The following NCK2 variants were observed in gnomAD, a reference collection of about 807,000 sequenced individuals.
NCK2 encodes NCK adaptor protein 2.
NCK2 carries 16 observed loss-of-function variants against 33.9 expected under a neutral mutation model. The ratio of observed to expected loss-of-function variants is 0.47; its 90% CI spans 0.32 to 0.72. The LOEUF (loss-of-function observed/expected upper bound fraction) is 0.72, where lower values mean the gene tolerates loss of function less well. Ranked by LOEUF, NCK2 falls within the 30% of genes least tolerant of loss-of-function variation. The pLI, the probability that NCK2 is intolerant of heterozygous loss-of-function variation, is 0.03. For missense variants in NCK2, 418 were observed against 537.3 expected (o/e 0.78, Z 2.19); for synonymous variants, 273 against 239.9 (o/e 1.14, Z -1.27).
intron 4 of NCK2, among the ~76,000 whole-genome samples, chr2:105,891,378 CAT>C (rs1440476449): frequency 1.3e-5 from 2 of 152,056 alleles, no homozygotes; most frequent in Admixed American, 6.5e-5. Flanking sequence ...CATGCACACA[CAT>C]GTATCCAGGG....
chr2:105,802,937 T>C (rs1230837555), intron 1 of NCK2, among the ~76,000 whole-genome samples: 2 of 152,156 alleles, frequency 1.3e-5, no homozygotes, highest in Non-Finnish European at 2.9e-5. Context: ...GTTGTGTGTA[T>C]AGCACCAAGC....
At chr2:105,830,169 C>T (rs1676113075) in intron 2 of NCK2, among the ~76,000 whole-genome samples, 1 of 151,978 alleles carries the variant, frequency 6.6e-6, no homozygotes, top group African/African-American at 2.4e-5. Flanking sequence ...AGAACTTATT[C>T]CTCCTATCTA....
chr2:105,873,373 T>C (rs1479875005), intron 3 of NCK2, among the ~76,000 whole-genome samples: 3 of 152,198 alleles, frequency 2.0e-5, no homozygotes, highest in African/African-American at 7.2e-5. Context: ...CTGTGAGGCC[T>C]AATGGATGTG....
intron 1 of NCK2, among the ~76,000 whole-genome samples, chr2:105,781,173 G>T (rs1379936978): frequency 6.8e-6 from 1 of 147,486 alleles, no homozygotes; most frequent in East Asian, 1.9e-4. Flanking sequence ...TCCTAGAGGT[G>T]CCTTTGTGTT....
Position 105,845,829 on chromosome 2 carries a change from A to C in NCK2, c.-16-9219A>C, listed in dbSNP as rs1385519267. On this transcript the variant is annotated intron_variant, in intron 2 of 4. Transcript: ENST00000233154. ...TCTACTTTGGGAGCAGGGAGTATGC[A>C]CTACCTGAAAAGACCTCACTTGTGT... Among the ~76,000 whole-genome samples the C allele has an allele frequency of 9.8e-5, 15 of 152,314 alleles. No individual in the cohort carries two copies. The East Asian group carries it at 2.7e-3, about 27-fold the overall frequency.
At position 105,875,782 on chromosome 2, in the gene NCK2, G is replaced by A. The variant is rs73946606; in HGVS notation, c.227-5546G>A. The stretch of plus-strand genomic sequence containing the variant: ...GTAATTTTACTTTATAAGTCAGTTG[G>A]TTTACAGTATTTTGTTATAGGCGCC... On this transcript the variant is annotated intron_variant, in intron 3 of 4. Transcript: ENST00000233154. Among the ~76,000 whole-genome samples, 914 of 152,270 alleles carry A rather than the reference G, an allele frequency of 6.0e-3. 15 individuals carry two copies. The highest frequency in any genetic ancestry group is 0.02 in the African/African-American group (819 of 41,542).
chr2:105,880,510 G>T (rs1224279578), intron 3 of NCK2, among the ~76,000 whole-genome samples: 2 of 152,174 alleles, frequency 1.3e-5, no homozygotes, highest in African/African-American at 4.8e-5. Context: ...TGGGGGCAGT[G>T]AGTGTCCCAG....
chr2:105,787,483 G>T (rs2104416738), intron 1 of NCK2, among the ~76,000 whole-genome samples: 1 of 152,308 alleles, frequency 6.6e-6, no homozygotes, highest in Middle Eastern at 3.4e-3. Context: ...ATAGCGAGAA[G>T]GCAGCCATCG....
chr2:105,748,162 A>G (rs1228595871), intron 1 of NCK2, among the ~76,000 whole-genome samples: 2 of 152,158 alleles, frequency 1.3e-5, no homozygotes, highest in Admixed American at 1.3e-4. Flanking sequence ...CAGTGATGTC[A>G]TACGGTGTCA....
intron 1 of NCK2, among the ~76,000 whole-genome samples, chr2:105,797,765 T>G (rs749621537): frequency 2.2e-4 from 34 of 152,348 alleles, no homozygotes; most frequent in Middle Eastern, 6.8e-3. Flanking sequence ...TGTTGTGGCC[T>G]CCTGTCAGCT....
At chr2:105,851,079 G>A (rs1219175194) in intron 2 of NCK2, among the ~76,000 whole-genome samples, 2 of 152,156 alleles carry the variant, frequency 1.3e-5, no homozygotes, top group Non-Finnish European at 2.9e-5. Flanking sequence ...AGGGTGATGG[G>A]GCACTCTTCC....
intron 1 of NCK2, among the ~76,000 whole-genome samples, chr2:105,749,439 C>A (rs982699999): frequency 6.6e-5 from 10 of 152,182 alleles, no homozygotes; most frequent in Non-Finnish European, 8.8e-5. Context: ...TTTGCAAAGT[C>A]CTCTTCACAT....
intron 1 of NCK2, among the ~76,000 whole-genome samples, chr2:105,777,414 T>C (rs1414792541): frequency 6.6e-6 from 1 of 152,130 alleles, no homozygotes; most frequent in African/African-American, 2.4e-5. Context: ...CACAGACTCC[T>C]GAGAGTGTGG....
At chr2:105,862,566 C>G (rs1677582210) in intron 3 of NCK2, among the ~76,000 whole-genome samples, 2 of 152,162 alleles carry the variant, frequency 1.3e-5, no homozygotes, top group Admixed American at 1.3e-4. Flanking sequence ...TTTGGGGGGA[C>G]TCTGTCCCAG....
chr2:105,826,679 G>A (rs1675957462), intron 2 of NCK2, among the ~76,000 whole-genome samples: 1 of 152,166 alleles, frequency 6.6e-6, no homozygotes, highest in South Asian at 2.1e-4. Flanking sequence ...TCATTACTGA[G>A]TTATCCTCAC....
intron 2 of NCK2, among the ~76,000 whole-genome samples, chr2:105,827,692 TA>T (rs1425633233): frequency 6.6e-6 from 1 of 152,238 alleles, no homozygotes; most frequent in Non-Finnish European, 1.5e-5. Context: ...CTTTTTGCTT[TA>T]AAATGAGTCT....
rs573539950 is a variant in NCK2, at chr2:105,884,646, A to G, written c.948+2597A>G. On this transcript the variant is annotated intron_variant, in intron 4 of 4. Coordinates refer to ENST00000233154, the MANE Select transcript of NCK2 (RefSeq NM_003581.5). Reference sequence around the variant, plus strand: ...TATTTCAGGGAAGACAAACATTGCCACATGCTACACTATCCACTATCAGTA... The same window carrying G: ...TATTTCAGGGAAGACAAACATTGCCGCATGCTACACTATCCACTATCAGTA... 3.3e-5 allele frequency among the ~76,000 whole-genome samples: 5 copies of G among 152,308 alleles called. No homozygotes were observed. The South Asian group carries it at 6.2e-4, about 19-fold the overall frequency.
chr2:105,795,843 C>G (rs141225838), intron 1 of NCK2, among the ~76,000 whole-genome samples: 1 of 152,146 alleles, frequency 6.6e-6, no homozygotes, highest in East Asian at 1.9e-4. Context: ...CTTCCTTCGC[C>G]GCTTCCTCTC....
chr2:105,892,978 C>G lies in NCK2; in HGVS notation c.949-4C>G, dbSNP rs374786417. 2 of 1,603,612 alleles carry G rather than the reference C, an allele frequency of 1.2e-6. No homozygotes were observed. Among genetic ancestry groups the G allele is most frequent in the African/African-American group, 2.7e-5 (2 of 74,762 alleles). On this transcript the variant is annotated splice_polypyrimidine_tract_variant and splice_region_variant and intron_variant, in intron 4 of 4. Coordinates refer to ENST00000233154, the MANE Select transcript of NCK2 (RefSeq NM_003581.5). ...GCTGTAACTGTGTTCTGTTTCCTCC[C>G]CAGCCCAGCGACTTCTCCGTGTCCC...
Sources: allele counts gnomAD v4.1 joint callset (sites outside exome capture counted in the v4.1 genomes callset), GRCh38; gene constraint gnomAD v4.1.1; transcripts MANE v1.5; gene names NCBI Gene and HGNC (gene_info 2026-07-23, HGNC 2026-07-21).